Variants in GP9 observed in about 807,000 individuals in gnomAD.
GP9 encodes the protein glycoprotein IX platelet, also known as platelet glycoprotein IX.
For missense variants in GP9, 228 were observed against 241.8 expected (o/e 0.94, Z 0.38); for synonymous variants, 116 against 116.7 (o/e 0.99, Z 0.04).
chr3:129,058,782 G>C (rs1946544768), upstream of GP9, among the ~76,000 whole-genome samples: 1 of 152,256 alleles, frequency 6.6e-6, no homozygotes, highest in Non-Finnish European at 1.5e-5. Flanking sequence ...CCTGCTCCCA[G>C]AGAGCAGCAC....
upstream of GP9, among the ~76,000 whole-genome samples, chr3:129,057,897 G>A (rs547379258): frequency 3.4e-5 from 5 of 148,868 alleles, no homozygotes; most frequent in Admixed American, 6.7e-5. Flanking sequence ...GCAATGGCGC[G>A]ATCTCAGCTC....
upstream of GP9, among the ~76,000 whole-genome samples, chr3:129,058,896 T>G (rs1002004061): frequency 6.6e-6 from 1 of 152,226 alleles, no homozygotes; most frequent in Non-Finnish European, 1.5e-5. Context: ...AAGCCCTGAT[T>G]TGGGGGCTCA....
rs781491952 is a variant in GP9, at chr3:129,062,208, G to T, written c.469G>T (p.Val157Leu). 1.3e-6 allele frequency: 2 copies of T among 1,566,342 alleles called. No individual in the cohort carries two copies. The highest frequency in any genetic ancestry group is 1.7e-6 in the Non-Finnish European group (2 of 1,159,840). The change falls in exon 3 of 3, where the codon GTG becomes TTG. Residue 157 changes from valine to leucine, a missense_variant. Val to Leu is a conservative substitution (Grantham distance 32). Coordinates refer to ENST00000307395, the MANE Select transcript of GP9 (RefSeq NM_000174.5). ...CTTGTGGGACGTGGCGCTGGTCGCC[G>T]TGGCCGCGCTGGGCCTGGCTCTTCT... ...GVLWDVALVAVAALGLALLAG... is the reference protein window; with the variant it reads ...GVLWDVALVALAALGLALLAG...
chr3:129,059,556 G>A (rs540479821), upstream of GP9, among the ~76,000 whole-genome samples: 76 of 152,308 alleles, frequency 5.0e-4, no homozygotes, highest in African/African-American at 1.7e-3. Context: ...CCAGGCCCCC[G>A]AGCAGGTGTG....
At chr3:129,059,386 G>A (rs887807674), upstream of GP9, among the ~76,000 whole-genome samples, 16 of 152,270 alleles carry the variant, frequency 1.1e-4, no homozygotes, top group African/African-American at 2.4e-4. Flanking sequence ...ACCCACCTGC[G>A]TGGGGCTCAC....
At chr3:129,056,137 C>A (rs570338789), upstream of GP9, among the ~76,000 whole-genome samples, 145 of 152,328 alleles carry the variant, frequency 9.5e-4, no homozygotes, top group African/African-American at 3.0e-3. Flanking sequence ...CAGAGATAGG[C>A]TAAGACTATT....
chr3:129,060,483 C>G (rs752561328), upstream of GP9, among the ~76,000 whole-genome samples: 1 of 152,256 alleles, frequency 6.6e-6, no homozygotes, highest in Admixed American at 6.5e-5. Flanking sequence ...TTCGGAGGAA[C>G]AACCAGCAGA....
At chr3:129,058,155 C>G (rs1946538458), upstream of GP9, among the ~76,000 whole-genome samples, 1 of 152,092 alleles carries the variant, frequency 6.6e-6, no homozygotes, top group African/African-American at 2.4e-5. Flanking sequence ...CTGCTCCTAA[C>G]CTGATGGAAT....
intron 1 of GP9, among the ~76,000 whole-genome samples, chr3:129,061,143 C>A (rs890767042): frequency 1.2e-4 from 19 of 152,306 alleles, no homozygotes; most frequent in Admixed American, 1.1e-3. Context: ...TGGCCCTGGG[C>A]ACATTGCTTT....
chr3:129,057,017 A>ACT (rs1364371828), upstream of GP9, among the ~76,000 whole-genome samples: 2 of 152,166 alleles, frequency 1.3e-5, no homozygotes, highest in African/African-American at 4.8e-5. Context: ...CATCAAGGAG[A>ACT]CAGCAGTCCT....
At chr3:129,055,648 CTTT>C in the GP9 span, among the ~76,000 whole-genome samples, 2 of 141,024 alleles carry the variant, frequency 1.4e-5, no homozygotes. Flanking sequence ...TTCTTTCTTT[CTTT>C]TTTTTTTTTT....
chr3:129,059,831 C>A (rs550721537), upstream of GP9, among the ~76,000 whole-genome samples: 3 of 152,206 alleles, frequency 2.0e-5, no homozygotes, highest in African/African-American at 7.2e-5. Context: ...CACACCCCCA[C>A]CCCCGTAGGG....
At chr3:129,055,660 T>C in the GP9 span, among the ~76,000 whole-genome samples, 2 of 151,774 alleles carry the variant, frequency 1.3e-5, no homozygotes, top group Admixed American at 6.5e-5. Context: ...TTTTTTTTTT[T>C]TTAAGACAGA....
Position 129,061,636 on chromosome 3 carries a change from C to T in GP9, c.-13+17C>T. On this transcript the variant is annotated intron_variant, in intron 2 of 2. Coordinates refer to ENST00000307395, the MANE Select transcript of GP9 (RefSeq NM_000174.5). ...AGAAGGGAGGTGAGTGCACCCCGTCCCATGTCAGGCTCCGCTACATCCCCA... is the reference window on the plus strand; with the variant it reads ...AGAAGGGAGGTGAGTGCACCCCGTCTCATGTCAGGCTCCGCTACATCCCCA... The T allele has an allele frequency of 2.1e-6, 2 of 967,336 alleles. No individual in the cohort carries two copies. Among genetic ancestry groups the T allele is most frequent in the Non-Finnish European group, 1.6e-6 (1 of 627,080 alleles). 59.9% of individuals were successfully genotyped at this position (967,336 alleles called of 1,614,324 possible). A position where few individuals can be genotyped will look rare whatever the true frequency, so the allele number is the denominator to read the frequency against.
chr3:129,056,563 T>C (rs1482143146), upstream of GP9, among the ~76,000 whole-genome samples: 4 of 152,190 alleles, frequency 2.6e-5, no homozygotes, highest in Non-Finnish European at 5.9e-5. Flanking sequence ...GTCATAGGCA[T>C]GTATCACCTG....
Position 129,061,708 on chromosome 3 carries a change from C to T in GP9, c.-12-20C>T, listed in dbSNP as rs1396142755. On this transcript the variant is annotated intron_variant, in intron 2 of 2. Transcript: ENST00000307395. ...CGGTCCAGGCTGCCAGGCCCTCCCT[C>T]ACAGCCCCTCTCTCTGCAGCCAGCC... The T allele has an allele frequency of 1.9e-6, 3 of 1,591,500 alleles. No homozygotes were observed. Among genetic ancestry groups the T allele is most frequent in the Non-Finnish European group, 2.6e-6 (3 of 1,165,948 alleles).
rs1462658916 is a variant in GP9 at position 129,061,805 on chromosome 3, C to A, written c.66C>A (p.Ser22Arg). 3 of 1,612,892 alleles carry A rather than the reference C, an allele frequency of 1.9e-6. No homozygotes were observed. The highest frequency in any genetic ancestry group is 1.7e-5 in the Admixed American group (1 of 59,930). Residue 22 changes from serine (S) to arginine (R), a missense_variant, in exon 3 of 3, where the codon AGC (serine) becomes AGA (arginine). Physicochemically the swap from Ser to Arg is moderately radical, Grantham distance 110. Coordinates refer to ENST00000307395, the MANE Select transcript of GP9 (RefSeq NM_000174.5). ...ATAEATKDCP[S>R]PCTCRALETM... ...CAGAGGCCACCAAGGACTGCCCCAGCCCATGTACCTGCCGCGCCCTGGAAA... is the reference window on the plus strand; with the variant it reads ...CAGAGGCCACCAAGGACTGCCCCAGACCATGTACCTGCCGCGCCCTGGAAA...
upstream of GP9, among the ~76,000 whole-genome samples, chr3:129,059,928 G>T (rs1181126834): frequency 6.6e-6 from 1 of 152,290 alleles, no homozygotes; most frequent in East Asian, 1.9e-4. Context: ...TTCCTGCCAG[G>T]CTTCTGTAAC....
the GP9 span, among the ~76,000 whole-genome samples, chr3:129,055,154 C>T: frequency 9.4e-4 from 143 of 152,322 alleles, 2 homozygotes; most frequent in Middle Eastern, 0.024. Flanking sequence ...AACGAGGCTT[C>T]TGACCTCCTG....
Sources: allele counts gnomAD v4.1 joint callset (sites outside exome capture counted in the v4.1 genomes callset), GRCh38; gene constraint gnomAD v4.1.1; transcripts MANE v1.5; gene names NCBI Gene and HGNC (gene_info 2026-07-23, HGNC 2026-07-21).